Variants in SORCS1 observed in about 807,000 individuals in gnomAD.
SORCS1 encodes VPS10 domain-containing receptor SorCS1.
SORCS1 carries 60 observed loss-of-function variants against 146.1 expected under a neutral mutation model. The ratio of observed to expected loss-of-function variants is 0.41; its 90% CI spans 0.33 to 0.51. The LOEUF (loss-of-function observed/expected upper bound fraction) is 0.51. SORCS1 is among the 20% of genes least tolerant of loss of function. The pLI, the probability that SORCS1 is intolerant of heterozygous loss-of-function variation, is 0.21. For missense variants in SORCS1, 1,352 were observed against 1,487.6 expected, an observed-to-expected ratio of 0.91 and a Z score of 1.50; for synonymous variants, 637 against 584.0, an observed-to-expected ratio of 1.09 and a Z score of -1.31.
At chr10:106,964,087 A>C (rs1955385066) in intron 1 of SORCS1, among the ~76,000 whole-genome samples, 1 of 152,216 alleles carries the variant, frequency 6.6e-6, no homozygotes, top group Non-Finnish European at 1.5e-5. Flanking sequence ...TACTGCAAGG[A>C]AAGGAACTGA....
chr10:106,834,455 A>C (rs1948698006), intron 2 of SORCS1, among the ~76,000 whole-genome samples: 1 of 152,220 alleles, frequency 6.6e-6, no homozygotes, highest in African/African-American at 2.4e-5. Context: ...GACATTTTCC[A>C]AACATATTTG....
chr10:106,861,806 T>A (rs1950025583), intron 2 of SORCS1, among the ~76,000 whole-genome samples: 1 of 152,108 alleles, frequency 6.6e-6, no homozygotes, highest in Admixed American at 6.5e-5. Context: ...GGAGAATCAC[T>A]TGAACCTGGG....
At chr10:106,769,649 G>T (rs571171006) in intron 4 of SORCS1, among the ~76,000 whole-genome samples, 1 of 152,122 alleles carries the variant, frequency 6.6e-6, no homozygotes, top group South Asian at 2.1e-4. Flanking sequence ...ACTAAAATTA[G>T]TTCTTTTTTA....
intron 17 of SORCS1, among the ~76,000 whole-genome samples, chr10:106,662,280 T>C (rs1850788564): frequency 6.6e-6 from 1 of 152,164 alleles, no homozygotes; most frequent in Admixed American, 6.5e-5. Context: ...AAGCTGACAG[T>C]GAAAGTAACC....
chr10:107,077,311 A>G (rs1213299329), intron 1 of SORCS1, among the ~76,000 whole-genome samples: 1 of 152,096 alleles, frequency 6.6e-6, no homozygotes, highest in Admixed American at 6.5e-5. Flanking sequence ...TGACATATTT[A>G]AGGTTACCTG....
chr10:106,730,119 A>G lies in SORCS1; in HGVS notation c.960-5T>C. On this transcript the variant is annotated splice_polypyrimidine_tract_variant and splice_region_variant and intron_variant, in intron 5 of 25. Transcript: ENST00000263054. ...TTATTTGACCCCATCACAGACCTAA[A>G]AAATGGAGAAACATGAAAAGAAACA... 6.2e-7 allele frequency: 1 copy of G among 1,614,108 alleles called. No homozygotes were observed. Among genetic ancestry groups the G allele is most frequent in the Non-Finnish European group, 8.5e-7 (1 of 1,179,972 alleles).
At chr10:107,127,751 C>T (rs1966796332) in intron 1 of SORCS1, among the ~76,000 whole-genome samples, 1 of 152,222 alleles carries the variant, frequency 6.6e-6, no homozygotes, top group African/African-American at 2.4e-5. Flanking sequence ...CACAGCCTTA[C>T]CAGATTTCTT....
chr10:107,095,829 T>C (rs563104108), intron 1 of SORCS1, among the ~76,000 whole-genome samples: 195 of 152,144 alleles, frequency 1.3e-3, no homozygotes, highest in African/African-American at 4.0e-3. Context: ...AGAAACACGG[T>C]AAAAGGTGAT....
chr10:106,813,592 C>T (rs1947586894), intron 3 of SORCS1, among the ~76,000 whole-genome samples: 1 of 152,146 alleles, frequency 6.6e-6, no homozygotes, highest in African/African-American at 2.4e-5. Flanking sequence ...CATGACATCT[C>T]CCTGCCATTG....
At chr10:106,745,412 A>T (rs1251594412) in intron 5 of SORCS1, among the ~76,000 whole-genome samples, 2 of 151,544 alleles carry the variant, frequency 1.3e-5, no homozygotes, top group Non-Finnish European at 2.9e-5. Context: ...CAACGTCTAA[A>T]AAAAAAAAAA....
chr10:107,052,765 G>A (rs1265301856), intron 1 of SORCS1, among the ~76,000 whole-genome samples: 1 of 151,864 alleles, frequency 6.6e-6, no homozygotes, highest in African/African-American at 2.4e-5. Flanking sequence ...GTTCTATAAT[G>A]GGAATTTTTT....
chr10:107,045,905 C>T (rs1299152881), intron 1 of SORCS1, among the ~76,000 whole-genome samples: 2 of 151,228 alleles, frequency 1.3e-5, no homozygotes, highest in East Asian at 3.9e-4. Context: ...ACACCTCAGT[C>T]TCCCAAGGAG....
chr10:106,856,889 G>A (rs967286774), intron 2 of SORCS1, among the ~76,000 whole-genome samples: 2 of 152,282 alleles, frequency 1.3e-5, no homozygotes, highest in African/African-American at 4.8e-5. Context: ...TTTCCAATTC[G>A]GGGGACAGCA....
intron 1 of SORCS1, among the ~76,000 whole-genome samples, chr10:107,118,633 G>A (rs896583390): frequency 1.3e-5 from 2 of 152,148 alleles, no homozygotes; most frequent in Non-Finnish European, 2.9e-5. Flanking sequence ...TGACTATACA[G>A]ATGAATTGAT....
At chr10:106,692,423 C>A (rs1384906960) in intron 9 of SORCS1, among the ~76,000 whole-genome samples, 1 of 152,054 alleles carries the variant, frequency 6.6e-6, no homozygotes, top group Non-Finnish European at 1.5e-5. Context: ...AGGTACAACA[C>A]CCAAGCCTCT....
intron 1 of SORCS1, among the ~76,000 whole-genome samples, chr10:106,972,415 C>T (rs551627407): frequency 6.5e-4 from 99 of 151,334 alleles, no homozygotes; most frequent in African/African-American, 2.2e-3. Flanking sequence ...AATTCCCCTT[C>T]TAACTGGATT....
At chr10:106,600,641 G>A (rs1349626745) in intron 23 of SORCS1, 1 of 985,296 alleles carries the variant, frequency 1.0e-6, no homozygotes, top group East Asian at 1.1e-4. Context: ...TTTTGGTAAA[G>A]TTGCTTGCTT....
At chr10:106,892,151 A>G (rs1951261993) in intron 2 of SORCS1, among the ~76,000 whole-genome samples, 1 of 152,248 alleles carries the variant, frequency 6.6e-6, no homozygotes, top group Non-Finnish European at 1.5e-5. Flanking sequence ...CAGATGTGAA[A>G]TTGAATGAAA....
At chr10:107,011,450 A>G (rs1477027492) in intron 1 of SORCS1, among the ~76,000 whole-genome samples, 1 of 152,134 alleles carries the variant, frequency 6.6e-6, no homozygotes, top group Non-Finnish European at 1.5e-5. Flanking sequence ...ACCTCAAACA[A>G]TTGCTCTCCT....
Sources: allele counts gnomAD v4.1 joint callset (sites outside exome capture counted in the v4.1 genomes callset), GRCh38; gene constraint gnomAD v4.1.1; transcripts MANE v1.5; gene names NCBI Gene and HGNC (gene_info 2026-07-23, HGNC 2026-07-21).